HMGA2: variants seen among roughly 807,000 people sequenced by gnomAD.
HMGA2 encodes the protein high mobility group protein HMGI-C.
In HMGA2, 8 loss-of-function variants were observed where a neutral mutation model predicts 19.1. The observed-to-expected ratio is 0.42, with a 90% CI of 0.25 to 0.76. The LOEUF is 0.76. Ranked by LOEUF, HMGA2 falls within the 30% of genes least tolerant of loss-of-function variation. HMGA2 has a pLI of 0.28. For missense variants in HMGA2, 109 were observed against 136.3 expected, an observed-to-expected ratio of 0.80 and a Z score of 1.00; for synonymous variants, 60 against 48.8, an observed-to-expected ratio of 1.23 and a Z score of -0.96.
At chr12:65,955,004 A>C (rs1251524476) in intron 4 of HMGA2, 2 of 152,166 alleles carry the variant, frequency 1.3e-5, no homozygotes, top group South Asian at 2.1e-4. Context: ...AACATGGTGA[A>C]GCCCCATCTC....
At chr12:65,829,995 C>G (rs527933694) in intron 2 of HMGA2, among the ~76,000 whole-genome samples, 42 of 152,102 alleles carry the variant, frequency 2.8e-4, no homozygotes, top group Admixed American at 9.8e-4. Context: ...ATTTCCAAAA[C>G]AGAAGTAGGC....
chr12:65,923,133 A>C (rs146625225), intron 3 of HMGA2, among the ~76,000 whole-genome samples: 513 of 152,260 alleles, frequency 3.4e-3, no homozygotes, highest in African/African-American at 0.012. Flanking sequence ...GAAGCTGCTC[A>C]TCCCCACCAA....
rs74097810 is a variant in HMGA2 at position 65,847,406 on chromosome 12, C to T, written c.249+8837C>T. ...CATACTCAATATAATTTATGCTTAT[C>T]AAATAATTTTTAAATCACCAGGTCT... On this transcript the variant is annotated intron_variant, in intron 3 of 4. Transcript: ENST00000403681. Among the ~76,000 whole-genome samples, 1,148 of 152,202 alleles carry T rather than the reference C, an allele frequency of 7.5e-3. 15 individuals are homozygous for T. Among genetic ancestry groups the T allele is most frequent in the African/African-American group, 0.026 (1,098 of 41,516 alleles).
intron 3 of HMGA2, among the ~76,000 whole-genome samples, chr12:65,907,638 C>A (rs138577562): frequency 6.6e-6 from 1 of 151,866 alleles, no homozygotes; most frequent in Non-Finnish European, 1.5e-5. Context: ...AATAGGGAAC[C>A]GAAAGATAGG....
chr12:65,938,513 C>G (rs1875973008), intron 3 of HMGA2, among the ~76,000 whole-genome samples: 1 of 152,250 alleles, frequency 6.6e-6, no homozygotes, highest in South Asian at 2.1e-4. Context: ...TTTAATATGT[C>G]TTTTAAAATA....
At chr12:65,828,181 A>G (rs1870305034) in intron 2 of HMGA2, 94 bp downstream of exon 2, 1 of 912,464 alleles carries the variant, frequency 1.1e-6, no homozygotes, top group African/African-American at 1.6e-5. Flanking sequence ...GCAGCCAGGA[A>G]TTTGTCCCAA....
intron 2 of HMGA2, among the ~76,000 whole-genome samples, chr12:65,833,985 T>C (rs758063930): frequency 6.6e-5 from 10 of 152,342 alleles, no homozygotes; most frequent in Middle Eastern, 3.4e-3. Flanking sequence ...AGGCACTTTA[T>C]ATATATGTTA....
Position 65,838,651 on chromosome 12 carries a change from G to A in HMGA2, c.249+82G>A, listed in dbSNP as rs146873065. ...TAAATGAGAAAAGTTTTATTTCGTC[G>A]ATTACATGAATTTCCAACTTCTGGT... On this transcript the variant is annotated intron_variant, in intron 3 of 4. Transcript: ENST00000403681. 503 of 995,676 alleles carry A rather than the reference G, an allele frequency of 5.1e-4. 1 individual carries two copies. The African/African-American group carries it at 6.9e-3, about 14-fold the overall frequency. The allele number at this position is 995,676 out of a possible 1,614,324, so 61.7% of individuals were successfully genotyped here.
At chr12:65,891,909 C>G (rs983886364) in intron 3 of HMGA2, among the ~76,000 whole-genome samples, 2 of 152,258 alleles carry the variant, frequency 1.3e-5, no homozygotes, top group Admixed American at 6.5e-5. Context: ...AAAGGTCAGT[C>G]CCTTTTTCTG....
intron 3 of HMGA2, among the ~76,000 whole-genome samples, chr12:65,864,480 T>TTA (rs1168617841): frequency 6.6e-6 from 1 of 152,226 alleles, no homozygotes; most frequent in Non-Finnish European, 1.5e-5. Flanking sequence ...TCCCCTGTTA[T>TTA]GTTACTCACT....
At position 65,963,261 on chromosome 12, in the gene HMGA2, C is replaced by G. The variant is rs1876805075; in HGVS notation, c.299C>G (p.Thr100Arg). 6.2e-7 allele frequency: 1 copy of G among 1,613,564 alleles called. No homozygotes were observed. Among genetic ancestry groups the G allele is most frequent in the Admixed American group, 1.7e-5 (1 of 59,976 alleles). ...KKPAQEETEE[T>R]SSQESAEED Reference sequence around the variant, plus strand: ...GTGTTCCAGGAGGAAACTGAAGAGACATCCTCACAAGAGTCTGCCGAAGAG... The same window carrying G: ...GTGTTCCAGGAGGAAACTGAAGAGAGATCCTCACAAGAGTCTGCCGAAGAG... Residue 100 changes from threonine (T) to arginine (R), a missense_variant, in exon 5 of 5, where the codon ACA becomes AGA. Physicochemically the swap from Thr to Arg is moderately conservative, Grantham distance 71. Coordinates refer to ENST00000403681, the MANE Select transcript of HMGA2 (RefSeq NM_003483.6).
chr12:65,896,397 T>C (rs1007126322), intron 3 of HMGA2, among the ~76,000 whole-genome samples: 2 of 152,208 alleles, frequency 1.3e-5, no homozygotes, highest in Non-Finnish European at 2.9e-5. Flanking sequence ...ATTCATGGAC[T>C]TGGTCTGCTG....
chr12:65,868,457 G>T (rs1872547212), intron 3 of HMGA2, among the ~76,000 whole-genome samples: 1 of 152,030 alleles, frequency 6.6e-6, no homozygotes, highest in Non-Finnish European at 1.5e-5. Context: ...CTACGATCGT[G>T]GAGGAGTCAG....
At chr12:65,844,035 A>G (rs1471090189) in intron 3 of HMGA2, among the ~76,000 whole-genome samples, 1 of 144,438 alleles carries the variant, frequency 6.9e-6, no homozygotes, top group Non-Finnish European at 1.5e-5. Flanking sequence ...TGGGCAACAG[A>G]GCAAGACTCC....
intron 3 of HMGA2, among the ~76,000 whole-genome samples, chr12:65,904,676 G>GT (rs2121188527): frequency 6.6e-6 from 1 of 152,246 alleles, no homozygotes; most frequent in East Asian, 1.9e-4. Context: ...CTAGTTTGAT[G>GT]ATACTAATTA....
At position 65,873,193 on chromosome 12, in the gene HMGA2, C is replaced by T. The variant is rs192565464; in HGVS notation, c.249+34624C>T. Among the ~76,000 whole-genome samples the T allele has an allele frequency of 1.1e-3, 166 of 152,296 alleles. 1 individual carries two copies. Among genetic ancestry groups the T allele is most frequent in the Non-Finnish European group, 7.9e-4 (54 of 68,028 alleles). On this transcript the variant is annotated intron_variant, in intron 3 of 4. Coordinates refer to ENST00000403681, the MANE Select transcript of HMGA2 (RefSeq NM_003483.6). The stretch of plus-strand genomic sequence containing the variant: ...ATGTTTTTCATGCATGAAACTATGT[C>T]TCATCTATCTTTGTATTTTCAATAC...
intron 3 of HMGA2, among the ~76,000 whole-genome samples, chr12:65,840,028 C>T (rs896809699): frequency 6.6e-6 from 1 of 152,114 alleles, no homozygotes. Flanking sequence ...ACACATACTC[C>T]AGTTTTCTCA....
In HMGA2 at chr12:65,964,316, T is replaced by C; in HGVS notation, c.*1024T>C. 4.7e-6 allele frequency: 1 copy of C among 211,180 alleles called. No individual in the cohort carries two copies. Among genetic ancestry groups the C allele is most frequent in the Non-Finnish European group, 9.3e-6 (1 of 107,642 alleles). 13.1% of individuals were successfully genotyped at this position (211,180 alleles called of 1,614,324 possible). ...AAAAAAAAAAGGGGGGGGCAATCTCTCTCTGTGTCTTTCTCTCTCTCTCTT... is the reference window on the plus strand; with the variant it reads ...AAAAAAAAAAGGGGGGGGCAATCTCCCTCTGTGTCTTTCTCTCTCTCTCTT... On this transcript the variant is annotated 3_prime_UTR_variant, in exon 5 of 5. Coordinates refer to ENST00000403681, the MANE Select transcript of HMGA2 (RefSeq NM_003483.6).
chr12:65,924,632 T>C (rs1361154122), intron 3 of HMGA2, among the ~76,000 whole-genome samples: 1 of 152,124 alleles, frequency 6.6e-6, no homozygotes, highest in African/African-American at 2.4e-5. Context: ...AACCCATCTC[T>C]ACTAAAAACG....
Sources: allele counts gnomAD v4.1 joint callset (sites outside exome capture counted in the v4.1 genomes callset), GRCh38; gene constraint gnomAD v4.1.1; transcripts MANE v1.5; gene names NCBI Gene and HGNC (gene_info 2026-07-23, HGNC 2026-07-21).